Variants in ATP9B observed in about 807,000 individuals in gnomAD.
ATP9B encodes ATPase phospholipid transporting 9B.
ATP9B carries 110 observed loss-of-function variants against 146.1 expected under a neutral mutation model. The ratio of observed to expected loss-of-function variants is 0.75; its 90% CI spans 0.65 to 0.88. The LOEUF (loss-of-function observed/expected upper bound fraction) is 0.88, where lower values mean the gene tolerates loss of function less well. ATP9B is among the 40% of genes least tolerant of loss of function. ATP9B has a pLI of 0.00. For missense variants in ATP9B, 1,499 were observed against 1,496.4 expected, an observed-to-expected ratio of 1.00 and a Z score of -0.03; for synonymous variants, 604 against 569.7, an observed-to-expected ratio of 1.06 and a Z score of -0.86.
intron 11 of ATP9B, among the ~76,000 whole-genome samples, chr18:79,230,484 A>C (rs2148568492): frequency 6.6e-6 from 1 of 152,304 alleles, no homozygotes; most frequent in South Asian, 2.1e-4. Context: ...CAAATAAATA[A>C]ATAAATAATA....
rs2074803716 is a variant in ATP9B, at chr18:79,096,628, G to A, written c.272G>A (p.Gly91Asp). ...KRGLEWFVCD[G>D]WKFLCTSCCG... ...GGACTGGAGTGGTTTGTCTGTGATGGCTGGAAGTTCCTCTGTACCAGGTTT... is the reference window on the plus strand; with the variant it reads ...GGACTGGAGTGGTTTGTCTGTGATGACTGGAAGTTCCTCTGTACCAGGTTT... The change falls in exon 2 of 30, where the codon GGC (glycine) becomes GAC (aspartate). Residue 91 changes from glycine to aspartate, a missense_variant. Gly to Asp is a moderately conservative substitution (Grantham distance 94). Coordinates refer to ENST00000426216, the MANE Select transcript of ATP9B (RefSeq NM_198531.5). 1 of 1,613,266 alleles carries A rather than the reference G, an allele frequency of 6.2e-7. No homozygotes were observed. The highest frequency in any genetic ancestry group is 8.5e-7 in the Non-Finnish European group (1 of 1,179,624).
intron 11 of ATP9B, among the ~76,000 whole-genome samples, chr18:79,227,374 G>A (rs531873225): frequency 1.4e-3 from 186 of 135,332 alleles, no homozygotes; most frequent in Non-Finnish European, 2.0e-3. Context: ...GTCAGGCCGC[G>A]TGTGTGTGTG....
chr18:79,326,703 T>C (rs2096749175), intron 15 of ATP9B, among the ~76,000 whole-genome samples: 1 of 152,224 alleles, frequency 6.6e-6, no homozygotes, highest in Non-Finnish European at 1.5e-5. Context: ...ACCCAGACAC[T>C]GGAAAATCAT....
chr18:79,128,654 A>T (rs972885788), intron 5 of ATP9B, among the ~76,000 whole-genome samples: 2 of 152,226 alleles, frequency 1.3e-5, no homozygotes, highest in African/African-American at 4.8e-5. Flanking sequence ...TCTGATTTTT[A>T]AAATTGTTGT....
intron 11 of ATP9B, among the ~76,000 whole-genome samples, chr18:79,236,787 C>T (rs1360642489): frequency 2.0e-5 from 3 of 149,464 alleles, no homozygotes; most frequent in Non-Finnish European, 4.5e-5. Flanking sequence ...CCACACCTGC[C>T]CCTTCCCCAC....
chr18:79,286,650 A>G (rs2096445824), intron 13 of ATP9B, among the ~76,000 whole-genome samples: 1 of 152,104 alleles, frequency 6.6e-6, no homozygotes, highest in East Asian at 1.9e-4. Context: ...AACTTCCAAC[A>G]CTATGTTGAA....
chr18:79,285,559 T>C (rs113302918), intron 13 of ATP9B, among the ~76,000 whole-genome samples: 15 of 152,066 alleles, frequency 9.9e-5, no homozygotes, highest in Non-Finnish European at 2.2e-4. Flanking sequence ...TTCTCCCATT[T>C]TGTAGGTTGC....
At chr18:79,273,167 C>T (rs1051077160) in intron 12 of ATP9B, among the ~76,000 whole-genome samples, 2 of 152,186 alleles carry the variant, frequency 1.3e-5, no homozygotes, top group African/African-American at 4.8e-5. Flanking sequence ...GGAATGTTAA[C>T]ACCCATTGTG....
At chr18:79,253,286 G>GTTTTTT in intron 11 of ATP9B, 95 bp from the exon 12 acceptor site, 1 of 1,066,154 alleles carries the variant, frequency 9.4e-7, no homozygotes. Context: ...AAATTTTAAA[G>GTTTTTT]TTTTTTTTTT....
rs376863122 is a variant in ATP9B, at chr18:79,324,533, GGTCT to G, written c.1774-4602_1774-4599del. On this transcript the variant is annotated intron_variant, in intron 15 of 29. Coordinates refer to ENST00000426216, the MANE Select transcript of ATP9B (RefSeq NM_198531.5). The stretch of plus-strand genomic sequence containing the variant: ...CAGATGTCAAGCAGAAAAGGGTTGA[GGTCT>G]GTCTGACTCACTCTTGGGGTGTAGT... Among the ~76,000 whole-genome samples the G allele has an allele frequency of 2.4e-3, 364 of 152,202 alleles. 1 individual carries two copies. The highest frequency in any genetic ancestry group is 6.2e-3 in the South Asian group (30 of 4,820).
chr18:79,153,365 G>A (rs1273286971), intron 6 of ATP9B, among the ~76,000 whole-genome samples: 1 of 152,168 alleles, frequency 6.6e-6, no homozygotes, highest in Non-Finnish European at 1.5e-5. Context: ...GCCATAAAAT[G>A]TCTTTGAGTT....
intron 12 of ATP9B, chr18:79,254,749 A>G (rs1270860670): frequency 6.6e-6 from 1 of 152,520 alleles, no homozygotes; most frequent in East Asian, 1.9e-4. Context: ...CCCATGTGCC[A>G]GCTGCTTCCC....
At chr18:79,152,508 T>A (rs948660983) in intron 6 of ATP9B, among the ~76,000 whole-genome samples, 2 of 152,244 alleles carry the variant, frequency 1.3e-5, no homozygotes, top group African/African-American at 4.8e-5. Context: ...AAATCTGCTA[T>A]TAATCTTCAT....
At chr18:79,098,316 G>T (rs1329043665) in intron 2 of ATP9B, among the ~76,000 whole-genome samples, 2 of 148,680 alleles carry the variant, frequency 1.3e-5, no homozygotes, top group East Asian at 4.0e-4. Context: ...CAGGACATAG[G>T]CGTGGGCAAG....
intron 25 of ATP9B, chr18:79,354,103 C>T (rs1281197270): frequency 1.3e-5 from 2 of 152,100 alleles, no homozygotes; most frequent in African/African-American, 4.8e-5. Flanking sequence ...ATTTAGTGAC[C>T]GTGGAATCTC....
At position 79,083,865 on chromosome 18, in the gene ATP9B, C is replaced by CTTT. The variant is rs60063648; in HGVS notation, c.120-12597_120-12595dup. ...AGCTGTTCCTATTGACCATCTTCTT[C>CTTT]TTTTTTTTTTTTTTTTGAGAGGGAG... is the stretch of plus-strand genomic sequence containing the variant. On this transcript the variant is annotated intron_variant, in intron 1 of 29. Transcript: ENST00000426216. Among the ~76,000 whole-genome samples, 542 of 139,294 alleles carry CTTT rather than the reference C, an allele frequency of 3.9e-3. 4 individuals are homozygous for CTTT. Among genetic ancestry groups the CTTT allele is most frequent in the South Asian group, 0.023 (100 of 4,324 alleles). The allele number at this position is 139,294 out of a possible 152,430, so 91.4% of individuals were successfully genotyped here. A position where few individuals can be genotyped will look rare whatever the true frequency, so the allele number is the denominator to read the frequency against.
intron 8 of ATP9B, among the ~76,000 whole-genome samples, chr18:79,177,200 G>A (rs569234910): frequency 1.1e-4 from 17 of 150,652 alleles, no homozygotes; most frequent in African/African-American, 2.7e-4. Flanking sequence ...CCCCTCTTCC[G>A]CCTCCTCCTC....
chr18:79,092,096 A>G (rs1372969697), intron 1 of ATP9B, among the ~76,000 whole-genome samples: 6 of 152,146 alleles, frequency 3.9e-5, no homozygotes, highest in Non-Finnish European at 4.4e-5. Flanking sequence ...ATATATAGTC[A>G]TGTGTTGTTG....
chr18:79,315,727 G>A (rs116348710), intron 15 of ATP9B, among the ~76,000 whole-genome samples: 37 of 152,256 alleles, frequency 2.4e-4, no homozygotes, highest in African/African-American at 8.4e-4. Flanking sequence ...ATTACTTCTG[G>A]CTGTGCTACT....
Sources: allele counts gnomAD v4.1 joint callset (sites outside exome capture counted in the v4.1 genomes callset), GRCh38; gene constraint gnomAD v4.1.1; transcripts MANE v1.5; gene names NCBI Gene and HGNC (gene_info 2026-07-23, HGNC 2026-07-21).